The following POLE2 variants were observed in gnomAD, a reference collection of about 807,000 sequenced individuals.
The protein encoded by POLE2 is DNA polymerase epsilon subunit 2.
POLE2 carries 56 observed loss-of-function variants against 79.4 expected under a neutral mutation model. That is an observed-to-expected ratio of 0.71 (90% CI 0.57 to 0.88). The LOEUF (loss-of-function observed/expected upper bound fraction) is 0.88. POLE2 is among the 40% of genes least tolerant of loss of function. The pLI, the probability that POLE2 is intolerant of heterozygous loss-of-function variation, is 0.00. For synonymous variants in POLE2, 212 were observed against 214.0 expected (o/e 0.99, Z 0.08); for missense variants, 598 against 638.9 (o/e 0.94, Z 0.69).
intron 6 of POLE2, among the ~76,000 whole-genome samples, 166 bp downstream of exon 6, chr14:49,669,358 A>C (rs1425018213): frequency 6.6e-6 from 1 of 152,258 alleles, no homozygotes; most frequent in Non-Finnish European, 1.5e-5. Flanking sequence ...TGTGGGACAC[A>C]GGACTCTAGG....
In POLE2 at chr14:49,655,058, C is replaced by T; in HGVS notation, c.965G>A (p.Cys322Tyr). 6.3e-7 allele frequency: 1 copy of T among 1,575,944 alleles called. No individual in the cohort carries two copies. Among genetic ancestry groups the T allele is most frequent in the Non-Finnish European group, 8.6e-7 (1 of 1,159,662 alleles). ...SPAPPTCFILCGNFSSAPYGK... is the reference protein window; with the variant it reads ...SPAPPTCFILYGNFSSAPYGK... ...ATATGGTGCAGATGAAAAATTACCA[C>T]ACAGAATAAAGCAGGTTGGAGGTGC... is the stretch of plus-strand genomic sequence containing the variant. Residue 322 changes from cysteine (C) to tyrosine (Y), a missense_variant, in exon 12 of 19, where the codon TGT becomes TAT. Coordinates refer to ENST00000216367, the MANE Select transcript of POLE2 (RefSeq NM_002692.4).
chr14:49,681,118 A>C (rs1293783460), intron 2 of POLE2, among the ~76,000 whole-genome samples: 1 of 152,214 alleles, frequency 6.6e-6, no homozygotes, highest in Non-Finnish European at 1.5e-5. Flanking sequence ...TTTTATGCTA[A>C]GATAAAGTGG....
intron 18 of POLE2, chr14:49,647,021 G>C (rs763932221): frequency 3.6e-6 from 1 of 280,768 alleles, no homozygotes; most frequent in Non-Finnish European, 6.6e-6. Context: ...CCATCGTCAG[G>C]AGTTGGCCTG....
intron 5 of POLE2, among the ~76,000 whole-genome samples, chr14:49,670,075 GGAGGTCGAGGAGGGCGGATCACCT>G (rs1020277947): frequency 6.6e-6 from 1 of 152,076 alleles, no homozygotes; most frequent in Non-Finnish European, 1.5e-5. Context: ...CAGCACTTTG[GGAGGTCGAGGAGGGCGGATCACCT>G]GAGGTCAGGA....
intron 1 of POLE2, 59 bp from the exon 2 acceptor site, chr14:49,683,752 C>T: frequency 1.2e-6 from 1 of 844,722 alleles, no homozygotes; most frequent in Non-Finnish European, 1.9e-6. Flanking sequence ...TAAAAGTTTT[C>T]TGCCAAAAAG....
At position 49,665,173 on chromosome 14, in the gene POLE2, T is replaced by A. The variant is rs1311093862; in HGVS notation, c.577-10A>T. ...CCAGAAAAAATTTTCCCTAAAAAAA[T>A]GAAAATAAATAAATCCACATTTATG... On this transcript the variant is annotated splice_polypyrimidine_tract_variant and intron_variant, in intron 7 of 18. Transcript: ENST00000216367. 3 of 1,184,426 alleles carry A rather than the reference T, an allele frequency of 2.5e-6. No homozygotes were observed. The highest frequency in any genetic ancestry group is 3.8e-6 in the Non-Finnish European group (3 of 796,828). The allele number at this position is 1,184,426 out of a possible 1,614,324, so 73.4% of individuals were successfully genotyped here.
intron 5 of POLE2, among the ~76,000 whole-genome samples, chr14:49,671,718 G>T (rs949421467): frequency 6.6e-6 from 1 of 151,898 alleles, no homozygotes; most frequent in Non-Finnish European, 1.5e-5. Context: ...ACTTTGGGAG[G>T]CTGAGGTGGG....
intron 1 of POLE2, among the ~76,000 whole-genome samples, chr14:49,684,842 T>C (rs1388742249): frequency 6.6e-6 from 1 of 151,874 alleles, no homozygotes; most frequent in Non-Finnish European, 1.5e-5. Flanking sequence ...CCAGGCATGG[T>C]GGCGGGCGCC....
intron 10 of POLE2, among the ~76,000 whole-genome samples, chr14:49,661,713 T>C (rs1490227543): frequency 6.6e-6 from 1 of 152,184 alleles, no homozygotes; most frequent in African/African-American, 2.4e-5. Flanking sequence ...GTTGAATTGA[T>C]TGACTACCAC....
intron 10 of POLE2, 69 bp from the exon 11 acceptor site, chr14:49,655,912 T>C: frequency 1.2e-6 from 1 of 803,754 alleles, no homozygotes; most frequent in Non-Finnish European, 2.0e-6. Flanking sequence ...TGTATACATT[T>C]AGCTTCTTTG....
chr14:49,679,723 AC>A lies in POLE2; in HGVS notation c.245+1del, dbSNP rs1886561486. Reference sequence around the variant, plus strand: ...GGAAAAAAGTTAACTGTACCCACATACATAGTTTCATCAACAGACTGACTGC... The same window carrying A: ...GGAAAAAAGTTAACTGTACCCACATAATAGTTTCATCAACAGACTGACTGC... On this transcript the variant is annotated splice_donor_variant, in intron 3 of 18. Transcript: ENST00000216367. LOFTEE classifies it high-confidence loss of function. The A allele has an allele frequency of 6.4e-7, 1 of 1,550,892 alleles. No homozygotes were observed. Among genetic ancestry groups the A allele is most frequent in the Non-Finnish European group, 8.9e-7 (1 of 1,123,586 alleles).
chr14:49,675,917 C>T (rs1364784604), intron 3 of POLE2, among the ~76,000 whole-genome samples: 1 of 152,076 alleles, frequency 6.6e-6, no homozygotes, highest in African/African-American at 2.4e-5. Context: ...CCACGCCCAG[C>T]TAATTTTTGT....
chr14:49,651,664 C>CA (rs1339345070), intron 15 of POLE2, among the ~76,000 whole-genome samples: 1 of 151,982 alleles, frequency 6.6e-6, no homozygotes, highest in African/African-American at 2.4e-5. Flanking sequence ...CGAACATAAT[C>CA]ATATAGTATG....
Position 49,643,565 on chromosome 14 carries a change from C to T in POLE2, c.*87G>A. On this transcript the variant is annotated 3_prime_UTR_variant, in exon 19 of 19. Transcript: ENST00000216367. ...TTAAGCAGAACATCCTAAAGTTTAC[C>T]ATAATTTTATTGTAATATCAGAATC... 2 of 724,964 alleles carry T rather than the reference C, an allele frequency of 2.8e-6. No homozygotes were observed. Among genetic ancestry groups the T allele is most frequent in the South Asian group, 1.8e-5 (1 of 54,616 alleles). The allele number at this position is 724,964 out of a possible 1,614,324, so 44.9% of individuals were successfully genotyped here. A position where few individuals can be genotyped will look rare whatever the true frequency, so the allele number is the denominator to read the frequency against.
intron 10 of POLE2, 23 bp downstream of exon 10, chr14:49,663,292 G>C: frequency 7.3e-7 from 1 of 1,371,302 alleles, no homozygotes; most frequent in Middle Eastern, 1.8e-4. Context: ...TTCCCATAGA[G>C]TATAAACCAA....
intron 5 of POLE2, among the ~76,000 whole-genome samples, chr14:49,671,130 T>A (rs1034106990): frequency 1.3e-5 from 2 of 152,156 alleles, no homozygotes; most frequent in Non-Finnish European, 2.9e-5. Context: ...AAGGGATAAG[T>A]GGCACACCCA....
At chr14:49,677,811 A>C in intron 3 of POLE2, 1 of 589,988 alleles carries the variant, frequency 1.7e-6, no homozygotes, top group East Asian at 3.7e-5. Context: ...GACCTGCAGC[A>C]GCACCCTCAC....
intron 7 of POLE2, 109 bp downstream of exon 7, chr14:49,666,221 G>A (rs1361117514): frequency 7.6e-6 from 5 of 653,712 alleles, no homozygotes; most frequent in East Asian, 3.0e-5. Flanking sequence ...TTGGTGAGGC[G>A]AGTTTTCAAT....
Position 49,655,831 on chromosome 14 carries a change from TC to T in POLE2, c.767del (p.Gly256GlufsTer14). On this transcript the variant is annotated frameshift_variant, in exon 11 of 19. Coordinates refer to ENST00000216367, the MANE Select transcript of POLE2 (RefSeq NM_002692.4). LOFTEE classifies it high-confidence loss of function. ...AAGGACCTCCAAAAAAATTAATATT[TC>T]CATAGTATGCCCTAGATAATTATAA... ...EPSSTTRAYY[G>X]NINFFGGPSN... 6.6e-7 allele frequency: 1 copy of T among 1,506,386 alleles called. No homozygotes were observed. The highest frequency in any genetic ancestry group is 9.2e-7 in the Non-Finnish European group (1 of 1,091,454). 93.3% of individuals were successfully genotyped at this position (1,506,386 alleles called of 1,614,324 possible). A position where few individuals can be genotyped will look rare whatever the true frequency, so the allele number is the denominator to read the frequency against.
Sources: gnomAD v4.1 joint callset for allele counts (sites outside exome capture counted in the v4.1 genomes callset) on GRCh38, gnomAD v4.1.1 for gene constraint, MANE v1.5 for transcripts, NCBI Gene and HGNC (gene_info 2026-07-23, HGNC 2026-07-21) for gene names.